The following SCNN1A variants were observed in gnomAD, a reference collection of about 807,000 sequenced individuals.
The protein encoded by SCNN1A is sodium channel epithelial 1 subunit alpha.
In SCNN1A, 65 loss-of-function variants were observed where a neutral mutation model predicts 68.6. That is an observed-to-expected ratio of 0.95 (90% CI 0.78 to 1.16). SCNN1A has a LOEUF of 1.16. SCNN1A is among the 50% of genes most tolerant of loss of function. The pLI is 0.00. For missense variants in SCNN1A, 880 were observed against 865.9 expected (o/e 1.02, Z -0.20); for synonymous variants, 357 against 353.3 (o/e 1.01, Z -0.12).
rs1389470625 is a variant in SCNN1A, at chr12:6,369,258, GCTGCCACCCTACACGCCTCCCTC to G, written c.416+5087_416+5109del. 2.0e-4 allele frequency among the ~76,000 whole-genome samples: 25 copies of G among 126,212 alleles called. No homozygotes were observed. The East Asian group carries it at 2.1e-3, about 11-fold the overall frequency. 82.8% of individuals were successfully genotyped at this position (126,212 alleles called of 152,430 possible). ...CTCTGTGCCCGGCTTCCTCCTCCATGCTGCCACCCTACACGCCTCCCTCCTGCCACCCTACTCACCTCCCTCCT... is the reference window on the plus strand; with the variant it reads ...CTCTGTGCCCGGCTTCCTCCTCCATGCTGCCACCCTACTCACCTCCCTCCT... On this transcript the variant is annotated intron_variant, in intron 2 of 12. Transcript: ENST00000228916.
At chr12:6,356,435 G>A (rs1565479702) in intron 4 of SCNN1A, 1 of 160,714 alleles carries the variant, frequency 6.2e-6, no homozygotes, top group Non-Finnish European at 1.2e-5. Context: ...GTTGTTGAGT[G>A]AGGAATGAAT....
intron 8 of SCNN1A, chr12:6,353,780 G>C (rs113497025): frequency 1.6e-5 from 2 of 127,260 alleles, no homozygotes; most frequent in African/African-American, 3.4e-5. Context: ...TAGTAGAGAC[G>C]GGGTTTCACC....
chr12:6,371,505 CT>C (rs1948789636), intron 2 of SCNN1A, among the ~76,000 whole-genome samples: 1 of 130,416 alleles, frequency 7.7e-6, no homozygotes. Context: ...GATGCCCTGG[CT>C]TTCCATTGGA....
At chr12:6,354,016 G>A (rs1948446615) in intron 8 of SCNN1A, 2 of 207,958 alleles carry the variant, frequency 9.6e-6, no homozygotes, top group Middle Eastern at 2.1e-3. Context: ...GGATCATGAG[G>A]TCAGGAGATT....
At position 6,355,263 on chromosome 12, in the gene SCNN1A, C is replaced by A. The variant is rs1446765248; in HGVS notation, c.1143+9G>T. On this transcript the variant is annotated intron_variant, in intron 6 of 12. Coordinates refer to ENST00000228916, the MANE Select transcript of SCNN1A (RefSeq NM_001038.6). ...CGCTCCTTCCAGGCCTCCCAGTCAG[C>A]ATCCTTGCCTTCCTCATGCTGATGG... is the stretch of plus-strand genomic sequence containing the variant. 1 of 1,611,322 alleles carries A rather than the reference C, an allele frequency of 6.2e-7. No homozygotes were observed. The highest frequency in any genetic ancestry group is 1.7e-5 in the Admixed American group (1 of 59,698).
chr12:6,364,601 A>T (rs1433808772), intron 2 of SCNN1A, among the ~76,000 whole-genome samples: 1 of 152,038 alleles, frequency 6.6e-6, no homozygotes, highest in Non-Finnish European at 1.5e-5. Flanking sequence ...TAAAAAAAAA[A>T]AATACAAAAA....
At chr12:6,354,414 G>C (rs960078155) in intron 8 of SCNN1A, 24 bp downstream of exon 8, 28 of 1,520,152 alleles carry the variant, frequency 1.8e-5, no homozygotes, top group Non-Finnish European at 2.6e-5. Flanking sequence ...AGTGGGGCAG[G>C]GTGGGGGCTC....
chr12:6,363,735 C>T (rs1948624093), intron 2 of SCNN1A, 25 bp from the exon 3 acceptor site: 1 of 1,578,396 alleles, frequency 6.3e-7, no homozygotes, highest in African/African-American at 1.4e-5. Flanking sequence ...GGAAGAGGGT[C>T]AGGCCAGGGG....
At chr12:6,354,238 T>C (rs1057109823) in intron 8 of SCNN1A, among the ~76,000 whole-genome samples, 200 bp downstream of exon 8, 1 of 149,838 alleles carries the variant, frequency 6.7e-6, no homozygotes, top group South Asian at 2.1e-4. Context: ...TTCAAAAAAA[T>C]AGAAAAAAAG....
intron 2 of SCNN1A, among the ~76,000 whole-genome samples, chr12:6,371,806 T>G (rs1195226005): frequency 1.3e-5 from 2 of 151,350 alleles, no homozygotes; most frequent in Admixed American, 6.6e-5. Flanking sequence ...ATTATTATTG[T>G]TTTTTTTTCC....
At position 6,348,751 on chromosome 12, in the gene SCNN1A, G is replaced by C. The variant is rs751665454; in HGVS notation, c.1605C>G (p.Thr535=). 6.2e-6 allele frequency: 10 copies of C among 1,613,550 alleles called. No homozygotes were observed. In the East Asian group the frequency reaches 2.2e-4, roughly 36 times the overall value. The change falls in exon 12 of 13, where the codon ACC becomes ACG. Residue 535 remains threonine (T), a synonymous_variant. Transcript: ENST00000228916. ...NIFFKELNYK[T]NSESPSVTMV... is the part of the protein sequence containing the mutation. Reference sequence around the variant, plus strand: ...CCGTGACAGAGGGAGACTCAGAATTGGTTTTGTAGTTCAGCTCCTTGAAGA... The same window carrying C: ...CCGTGACAGAGGGAGACTCAGAATTCGTTTTGTAGTTCAGCTCCTTGAAGA...
At position 6,363,490 on chromosome 12, in the gene SCNN1A, T is replaced by A. The variant is rs2136885800; in HGVS notation, c.637A>T (p.Asn213Tyr). ...TCCTTCCAGTCCACCTGGGGGTTGT[T>A]GTCCCGCAAGCTGGAGGCCACGCTA... ...ARSVASSLRDNNPQVDWKDWK... is the reference protein window; with the variant it reads ...ARSVASSLRDYNPQVDWKDWK... Residue 213 changes from asparagine to tyrosine, a missense_variant, in exon 3 of 13, where the codon AAC becomes TAC. Asn to Tyr is a moderately radical substitution (Grantham distance 143). Around this residue, in one of 3 missense-constraint regions of SCNN1A, gnomAD observed 758 missense variants for 721.8 expected, o/e 1.05. Coordinates refer to ENST00000228916, the MANE Select transcript of SCNN1A (RefSeq NM_001038.6). 2 of 1,606,692 alleles carry A rather than the reference T, an allele frequency of 1.2e-6. No homozygotes were observed. Among genetic ancestry groups the A allele is most frequent in the African/African-American group, 1.3e-5 (1 of 74,494 alleles).
In SCNN1A at chr12:6,348,952, CTTG is replaced by C. The variant is rs753073959; in HGVS notation, c.1548_1550del (p.Asn516del). Reference sequence around the variant, plus strand: ...GCTGGGACCAGGGCAGGACTGACCTCTTGTTGTTGACGGTGTAATTGTTCTGTC... The same window carrying C: ...GCTGGGACCAGGGCAGGACTGACCTCTTGTTGACGGTGTAATTGTTCTGTC... On this transcript the variant is annotated inframe_deletion, in exon 11 of 13. Coordinates refer to ENST00000228916, the MANE Select transcript of SCNN1A (RefSeq NM_001038.6). 26 of 1,614,066 alleles carry C rather than the reference CTTG, an allele frequency of 1.6e-5. 1 individual carries two copies. The Middle Eastern group carries it at 5.0e-4, about 31-fold the overall frequency.
At chr12:6,362,299 G>T in intron 3 of SCNN1A, 58 bp from the exon 4 acceptor site, 1 of 1,451,544 alleles carries the variant, frequency 6.9e-7, no homozygotes, top group South Asian at 1.1e-5. Flanking sequence ...CCCCTTGGCA[G>T]GGCCAAGGGC....
At chr12:6,370,370 G>A (rs1197781355) in intron 2 of SCNN1A, among the ~76,000 whole-genome samples, 1 of 152,182 alleles carries the variant, frequency 6.6e-6, no homozygotes, top group African/African-American at 2.4e-5. Flanking sequence ...CCCTGCAGCT[G>A]GCCCTCTCCC....
intron 3 of SCNN1A, 142 bp downstream of exon 3, chr12:6,363,301 T>C (rs1281813903): frequency 1.7e-6 from 1 of 581,326 alleles, no homozygotes; most frequent in African/African-American, 2.0e-5. Context: ...TATTTACTTT[T>C]TTTTTTGCCC....
chr12:6,371,528 G>T (rs1948791124), intron 2 of SCNN1A, among the ~76,000 whole-genome samples: 1 of 134,232 alleles, frequency 7.4e-6, no homozygotes. Flanking sequence ...CGTGGCGGGG[G>T]GGCGGGGGGT....
rs73048453 is a variant in SCNN1A, at chr12:6,370,548, C to T, written c.416+3820G>A. Among the ~76,000 whole-genome samples, 739 of 152,338 alleles carry T rather than the reference C, an allele frequency of 4.9e-3. 5 individuals are homozygous for T. Among genetic ancestry groups the T allele is most frequent in the Admixed American group, 5.8e-3 (89 of 15,304 alleles). ...CTAACAGCCGTGGGAGCCGCCTAGG[C>T]CCCATCCCACCTGGGATGAGAAGGA... On this transcript the variant is annotated intron_variant, in intron 2 of 12. Coordinates refer to ENST00000228916, the MANE Select transcript of SCNN1A (RefSeq NM_001038.6).
intron 8 of SCNN1A, 128 bp from the exon 9 acceptor site, chr12:6,349,533 T>C (rs1180054004): frequency 4.1e-6 from 3 of 725,972 alleles, no homozygotes; most frequent in Non-Finnish European, 7.4e-6. Context: ...TAATGATGCC[T>C]TATGAGTGGC....
Sources: allele counts gnomAD v4.1 joint callset (sites outside exome capture counted in the v4.1 genomes callset), GRCh38; gene constraint gnomAD v4.1.1; regional missense constraint gnomAD v4.1.1; transcripts MANE v1.5; gene names NCBI Gene and HGNC (gene_info 2026-07-23, HGNC 2026-07-21).